The following MDGA2 variants were observed in gnomAD, a reference collection of about 807,000 sequenced individuals.
MDGA2 encodes the protein MAM domain containing glycosylphosphatidylinositol anchor 2.
In MDGA2, 40 loss-of-function variants were observed where a neutral mutation model predicts 117.8. The ratio of observed to expected loss-of-function variants is 0.34; its 90% CI spans 0.26 to 0.44. The LOEUF is 0.44. Ranked by LOEUF, MDGA2 falls within the 20% of genes least tolerant of loss-of-function variation. The pLI is 1.00. For synonymous variants in MDGA2, 452 were observed against 439.0 expected (o/e 1.03, Z -0.37); for missense variants, 1,123 against 1,250.6 (o/e 0.90, Z 1.54).
At chr14:47,505,353 T>C (rs972054256) in intron 1 of MDGA2, among the ~76,000 whole-genome samples, 1 of 152,134 alleles carries the variant, frequency 6.6e-6, no homozygotes, top group Non-Finnish European at 1.5e-5. Flanking sequence ...AAAAGGGGCT[T>C]TTGAATGTTC....
At chr14:47,136,225 G>A (rs1182740194) in intron 4 of MDGA2, among the ~76,000 whole-genome samples, 1 of 133,796 alleles carries the variant, frequency 7.5e-6, no homozygotes, top group East Asian at 2.2e-4. Context: ...TTGAGACATA[G>A]TTTAGCTCTG....
At chr14:47,470,666 T>A (rs1026107149) in intron 1 of MDGA2, among the ~76,000 whole-genome samples, 3 of 152,140 alleles carry the variant, frequency 2.0e-5, no homozygotes, top group Admixed American at 2.0e-4. Flanking sequence ...GTATTTCTAG[T>A]TCTAGATCCT....
chr14:47,040,522 T>C (rs533986230), intron 7 of MDGA2, among the ~76,000 whole-genome samples: 6 of 152,272 alleles, frequency 3.9e-5, no homozygotes, highest in East Asian at 1.9e-4. Context: ...TCTGAAAACA[T>C]AGACTGAGAA....
chr14:47,059,068 C>T (rs1416922058), intron 7 of MDGA2: 16 of 1,016,154 alleles, frequency 1.6e-5, no homozygotes, highest in East Asian at 1.0e-4. Context: ...TAGGGAATTA[C>T]AATAAGGGCA....
intron 3 of MDGA2, among the ~76,000 whole-genome samples, chr14:47,172,667 A>G (rs1406658089): frequency 6.6e-6 from 1 of 152,032 alleles, no homozygotes; most frequent in East Asian, 1.9e-4. Context: ...ATCATCAAAC[A>G]CCAAAAGTAG....
At chr14:47,269,530 G>C (rs1486469310) in intron 2 of MDGA2, among the ~76,000 whole-genome samples, 2 of 152,016 alleles carry the variant, frequency 1.3e-5, no homozygotes, top group African/African-American at 2.4e-5. Flanking sequence ...CATTTTTTAT[G>C]AAAATTCCTG....
chr14:47,550,183 C>G (rs1895554059), intron 1 of MDGA2, among the ~76,000 whole-genome samples: 1 of 152,128 alleles, frequency 6.6e-6, no homozygotes, highest in South Asian at 2.1e-4. Flanking sequence ...GCTAATGATT[C>G]ACACTCCCAG....
chr14:47,626,551 C>T, intron 1 of MDGA2: 1 of 152,798 alleles, frequency 6.5e-6, no homozygotes, highest in Admixed American at 6.5e-5. Context: ...CAGGGAGGTG[C>T]CGACGAAGAG....
chr14:47,523,378 T>G (rs772161650), intron 1 of MDGA2, among the ~76,000 whole-genome samples: 1 of 152,188 alleles, frequency 6.6e-6, no homozygotes, highest in Non-Finnish European at 1.5e-5. Context: ...CCCTGAATTA[T>G]TATCTATTAT....
intron 1 of MDGA2, among the ~76,000 whole-genome samples, chr14:47,306,326 C>A (rs1184896162): frequency 6.6e-6 from 1 of 152,216 alleles, no homozygotes; most frequent in Non-Finnish European, 1.5e-5. Context: ...ATGGAACTCA[C>A]ATTACCCACC....
At chr14:47,379,972 G>A (rs72621102) in intron 1 of MDGA2, among the ~76,000 whole-genome samples, 8,823 of 152,186 alleles carry the variant, frequency 0.058, 945 homozygotes, top group East Asian at 0.52. Context: ...ATTGTTGGAA[G>A]TAAAGGACTC....
chr14:46,862,274 T>C (rs1203437549), intron 14 of MDGA2, among the ~76,000 whole-genome samples: 1 of 151,812 alleles, frequency 6.6e-6, no homozygotes, highest in African/African-American at 2.4e-5. Flanking sequence ...AGGACTTTAG[T>C]CAGCTCTTAT....
intron 1 of MDGA2, among the ~76,000 whole-genome samples, chr14:47,481,774 G>A (rs1049959861): frequency 3.3e-5 from 5 of 151,852 alleles, no homozygotes; most frequent in African/African-American, 4.8e-5. Context: ...GAAAAATACC[G>A]TATCAGCCTT....
At chr14:47,209,965 C>T (rs1230076406) in intron 3 of MDGA2, among the ~76,000 whole-genome samples, 1 of 152,146 alleles carries the variant, frequency 6.6e-6, no homozygotes, top group Non-Finnish European at 1.5e-5. Flanking sequence ...TGTCACGTTT[C>T]CAGAATTCCC....
chr14:47,049,933 G>A (rs1348454511), intron 7 of MDGA2, among the ~76,000 whole-genome samples: 2 of 151,712 alleles, frequency 1.3e-5, no homozygotes, highest in Admixed American at 6.6e-5. Context: ...AAAGCTTTTG[G>A]CCCTGATCCT....
intron 6 of MDGA2, among the ~76,000 whole-genome samples, chr14:47,072,353 T>C (rs766145114): frequency 1.4e-4 from 22 of 152,188 alleles, no homozygotes; most frequent in Admixed American, 5.9e-4. Flanking sequence ...CAAGAAAATA[T>C]TTTGCGTTCA....
chr14:47,222,291 T>C (rs1204832747), intron 2 of MDGA2, among the ~76,000 whole-genome samples: 1 of 151,936 alleles, frequency 6.6e-6, no homozygotes, highest in African/African-American at 2.4e-5. Flanking sequence ...GGAGTGATAA[T>C]ATTTATATAT....
Position 46,884,969 on chromosome 14 carries a change from C to T in MDGA2, c.2239-2748G>A, listed in dbSNP as rs1381869169. ...TCAAGCAATTCTCCTGCCTCGGCCC[C>T]CTGAGTAAATGGAATTACAGGCATC... On this transcript the variant is annotated intron_variant, in intron 10 of 16. Transcript: ENST00000399232. This position sits in a 1 kb window ranked among gnomAD's most constrained non-coding sequence, Gnocchi z 4.1. Among the ~76,000 whole-genome samples the T allele has an allele frequency of 2.0e-5, 3 of 151,886 alleles. No individual in the cohort carries two copies. Among genetic ancestry groups the T allele is most frequent in the African/African-American group, 4.8e-5 (2 of 41,336 alleles).
chr14:47,154,438 T>A (rs1321081397), intron 3 of MDGA2, among the ~76,000 whole-genome samples: 2 of 152,094 alleles, frequency 1.3e-5, no homozygotes, highest in African/African-American at 4.8e-5. Flanking sequence ...GGGAGCCCTG[T>A]GATCCCAGGC....
Sources: gnomAD v4.1 joint callset for allele counts (sites outside exome capture counted in the v4.1 genomes callset) on GRCh38, gnomAD v4.1.1 for gene constraint, Gnocchi (gnomAD v3.1) non-coding constraint, MANE v1.5 for transcripts, NCBI Gene and HGNC (gene_info 2026-07-23, HGNC 2026-07-21) for gene names.